Variants in NCOA7 observed in about 807,000 individuals in gnomAD.
NCOA7 encodes 140 kDa estrogen receptor-associated protein.
NCOA7 carries 45 observed loss-of-function variants against 104.3 expected under a neutral mutation model. The ratio of observed to expected loss-of-function variants is 0.43; its 90% CI spans 0.34 to 0.55. The LOEUF (loss-of-function observed/expected upper bound fraction) is 0.55, where lower values mean the gene tolerates loss of function less well. NCOA7 is among the 20% of genes least tolerant of loss of function. The probability of loss-of-function intolerance (pLI) is 0.02; values close to 1 mark genes in which losing one functional copy is unlikely to be tolerated. For missense variants in NCOA7, 1,041 were observed against 1,119.7 expected, an observed-to-expected ratio of 0.93 and a Z score of 1.00; for synonymous variants, 398 against 402.3, an observed-to-expected ratio of 0.99 and a Z score of 0.13.
chr6:125,883,331 A>G (rs1783999847), intron 7 of NCOA7, among the ~76,000 whole-genome samples: 2 of 152,356 alleles, frequency 1.3e-5, no homozygotes, highest in Admixed American at 1.3e-4. Context: ...AATGCTTGAC[A>G]TAAAGAAATT....
chr6:125,808,519 G>T (rs564728269), intron 1 of NCOA7, among the ~76,000 whole-genome samples: 1 of 152,194 alleles, frequency 6.6e-6, no homozygotes, highest in African/African-American at 2.4e-5. Context: ...TGATCCACTT[G>T]TCCTGCTGAA....
At chr6:125,868,336 A>G (rs773352635) in intron 3 of NCOA7, among the ~76,000 whole-genome samples, 3 of 152,250 alleles carry the variant, frequency 2.0e-5, no homozygotes, top group East Asian at 1.9e-4. Flanking sequence ...TCACATTGCT[A>G]TTTACTTGTG....
chr6:125,843,674 A>G (rs921969612), intron 2 of NCOA7, among the ~76,000 whole-genome samples: 3 of 152,300 alleles, frequency 2.0e-5, no homozygotes, highest in African/African-American at 7.2e-5. Context: ...TTGTTGACTT[A>G]TAGCACAACA....
At chr6:125,919,195 G>A (rs1787346108) in intron 11 of NCOA7, 1 of 1,541,622 alleles carries the variant, frequency 6.5e-7, no homozygotes, top group African/African-American at 1.4e-5. Flanking sequence ...TAGAAATGTT[G>A]AAACTTCTCC....
At chr6:125,819,741 C>CT (rs1298602073) in intron 2 of NCOA7, among the ~76,000 whole-genome samples, 9 of 152,164 alleles carry the variant, frequency 5.9e-5, no homozygotes, top group African/African-American at 2.2e-4. Flanking sequence ...CTGACTCTTC[C>CT]TTCCCCTTGT....
chr6:125,860,614 C>T (rs1335421108), intron 3 of NCOA7, among the ~76,000 whole-genome samples: 4 of 152,208 alleles, frequency 2.6e-5, no homozygotes, highest in Non-Finnish European at 5.9e-5. Context: ...TCCCCAAGTG[C>T]TGGGATTACA....
chr6:125,915,363 G>A lies in NCOA7; in HGVS notation c.2127G>A (p.Gln709=). ...RVDHLYTFFV[Q]WSPDVYGKDA... ...ATCATTTGTACACATTCTTTGTTCAGTGGTCTCCCGATGTCTATGGAAAAG... is the reference window on the plus strand; with the variant it reads ...ATCATTTGTACACATTCTTTGTTCAATGGTCTCCCGATGTCTATGGAAAAG... The change falls in exon 11 of 16, where the codon CAG becomes CAA. Residue 709 remains glutamine (Q), a synonymous_variant. Coordinates refer to ENST00000392477, the MANE Select transcript of NCOA7 (RefSeq NM_181782.5). 6 of 1,613,854 alleles carry A rather than the reference G, an allele frequency of 3.7e-6. No individual in the cohort carries two copies. Among genetic ancestry groups the A allele is most frequent in the Non-Finnish European group, 5.1e-6 (6 of 1,179,792 alleles).
At chr6:125,850,601 C>T (rs1428380300) in intron 2 of NCOA7, among the ~76,000 whole-genome samples, 2 of 152,050 alleles carry the variant, frequency 1.3e-5, no homozygotes, top group Non-Finnish European at 2.9e-5. Context: ...GTTTAATTAT[C>T]GTGGGGACAG....
chr6:125,901,499 C>T (rs1195772102), intron 10 of NCOA7, among the ~76,000 whole-genome samples: 1 of 152,172 alleles, frequency 6.6e-6, no homozygotes, highest in Non-Finnish European at 1.5e-5. Flanking sequence ...GCACTGAAAC[C>T]CCTTGCAGGA....
intron 3 of NCOA7, 99 bp from the exon 4 acceptor site, chr6:125,874,790 G>T: frequency 2.5e-6 from 2 of 814,122 alleles, no homozygotes; most frequent in South Asian, 1.6e-5. Context: ...GTGTCTTTTT[G>T]TCAGTTGATT....
rs962659120 is a variant in NCOA7 at position 125,820,896 on chromosome 6, C to G, written c.50+5492C>G. ...GAAGTGGAGTTATATAGTCAAAGGG[C>G]CTTGAGAAACCTAACAGTCTTTTAT... On this transcript the variant is annotated intron_variant, in intron 2 of 15. Coordinates refer to ENST00000392477, the MANE Select transcript of NCOA7 (RefSeq NM_181782.5). Among the ~76,000 whole-genome samples, 4 of 152,140 alleles carry G rather than the reference C, an allele frequency of 2.6e-5. No individual in the cohort carries two copies. The East Asian group carries it at 7.7e-4, about 29-fold the overall frequency.
chr6:125,905,603 G>A (rs181797380), intron 10 of NCOA7, among the ~76,000 whole-genome samples: 79 of 152,162 alleles, frequency 5.2e-4, no homozygotes, highest in African/African-American at 1.8e-3. Context: ...AGAAAATACC[G>A]GAGCCAGGTT....
chr6:125,885,295 C>T lies in NCOA7; in HGVS notation c.836C>T (p.Ala279Val), dbSNP rs572278982. 8.7e-6 allele frequency: 14 copies of T among 1,613,936 alleles called. No homozygotes were observed. The highest frequency in any genetic ancestry group is 2.2e-5 in the East Asian group (1 of 44,864). ...ICPMEEVVSIALYNDISHMKI... is the reference protein window; with the variant it reads ...ICPMEEVVSIVLYNDISHMKI... ...CCCATGGAAGAGGTTGTTTCCATTGCGCTCTACAATGACATTTCTCACATG... is the reference window on the plus strand; with the variant it reads ...CCCATGGAAGAGGTTGTTTCCATTGTGCTCTACAATGACATTTCTCACATG... Residue 279 changes from alanine (A) to valine (V), a missense_variant, in exon 8 of 16, where the codon GCG becomes GTG. Ala to Val is a moderately conservative substitution (Grantham distance 64, BLOSUM62 0). Transcript: ENST00000392477.
Position 125,878,693 on chromosome 6 carries a change from A to C in NCOA7, c.459+323A>C, listed in dbSNP as rs146157529. The stretch of plus-strand genomic sequence containing the variant: ...CCCAGCTCAACTTTACGATATTTTC[A>C]TATTCACAGGATACCTTGGCTACAC... On this transcript the variant is annotated intron_variant, in intron 5 of 15. Coordinates refer to ENST00000392477, the MANE Select transcript of NCOA7 (RefSeq NM_181782.5). Among the ~76,000 whole-genome samples the C allele has an allele frequency of 2.6e-3, 399 of 152,138 alleles. 1 individual carries two copies. Among genetic ancestry groups the C allele is most frequent in the Admixed American group, 4.8e-3 (73 of 15,270 alleles).
intron 12 of NCOA7, 104 bp downstream of exon 12, chr6:125,921,172 G>T: frequency 7.1e-7 from 1 of 1,412,380 alleles, no homozygotes; most frequent in Non-Finnish European, 9.4e-7. Context: ...CACTTTGGGA[G>T]GCCAAGGCAG....
intron 7 of NCOA7, 127 bp downstream of exon 7, chr6:125,882,678 C>T (rs1783942179): frequency 8.7e-7 from 1 of 1,151,024 alleles, no homozygotes; most frequent in Non-Finnish European, 1.2e-6. Context: ...GTTTGACAAG[C>T]ATCCATTAGT....
chr6:125,818,394 G>A (rs919411617), intron 2 of NCOA7, among the ~76,000 whole-genome samples: 1 of 152,144 alleles, frequency 6.6e-6, no homozygotes, highest in Non-Finnish European at 1.5e-5. Context: ...CTTCTGAAAA[G>A]TATTCTAAAA....
At chr6:125,830,737 ATGTGTGTGTGTGTGTGTGTGTGTATG>A in intron 2 of NCOA7, among the ~76,000 whole-genome samples, 1 of 93,056 alleles carries the variant, frequency 1.1e-5, no homozygotes, top group African/African-American at 4.4e-5. Flanking sequence ...ATATATATAT[ATGTGTGTGTGTGTGTGTGTGTGTATG>A]TGTGTGTGTG....
intron 13 of NCOA7, among the ~76,000 whole-genome samples, chr6:125,926,740 A>C (rs1788072475): frequency 6.6e-6 from 1 of 152,224 alleles, no homozygotes; most frequent in South Asian, 2.1e-4. Flanking sequence ...ATTGTGATCT[A>C]ATTGAAATAA....
Sources: allele counts gnomAD v4.1 joint callset (sites outside exome capture counted in the v4.1 genomes callset), GRCh38; gene constraint gnomAD v4.1.1; transcripts MANE v1.5; gene names NCBI Gene and HGNC (gene_info 2026-07-23, HGNC 2026-07-21).